The following SKIC3 variants were observed in gnomAD, a reference collection of about 807,000 sequenced individuals.
SKIC3 encodes SKI3 subunit of superkiller complex, also known as superkiller complex protein 3.
At chr5:95,543,354 G>T in the SKIC3 span, 1 of 1,612,002 alleles carries the variant, frequency 6.2e-7, no homozygotes, top group South Asian at 1.1e-5. Flanking sequence ...TAAAAGAGTA[G>T]GTTAGTAAAT....
chr5:95,506,820 T>C, the SKIC3 span: 3 of 1,059,542 alleles, frequency 2.8e-6, no homozygotes, highest in Non-Finnish European at 4.3e-6. Flanking sequence ...ATGGAAATTA[T>C]GTATCCTACA....
At chr5:95,464,723 T>A in the SKIC3 span, 1 of 1,500,316 alleles carries the variant, frequency 6.7e-7, no homozygotes, top group Non-Finnish European at 9.2e-7. Context: ...TTTTGTTTAT[T>A]AACAATATCT....
chr5:95,539,843 C>CAAAAAAAAAA, the SKIC3 span, among the ~76,000 whole-genome samples: 5 of 107,626 alleles, frequency 4.6e-5, no homozygotes, highest in Admixed American at 2.0e-4. Context: ...CACTCTGCCT[C>CAAAAAAAAAA]AAAAAAAAAA....
At chr5:95,504,068 G>T in the SKIC3 span, 1 of 383,956 alleles carries the variant, frequency 2.6e-6, no homozygotes, top group Non-Finnish European at 4.7e-6. Flanking sequence ...CAGCACTTTG[G>T]GAGGCCCAGG....
chr5:95,538,357 C>G, the SKIC3 span, among the ~76,000 whole-genome samples: 1 of 152,078 alleles, frequency 6.6e-6, no homozygotes, highest in East Asian at 1.9e-4. Flanking sequence ...ATCATGTTAT[C>G]ACACACAAAA....
the SKIC3 span, among the ~76,000 whole-genome samples, chr5:95,515,690 TC>T: frequency 2.6e-5 from 4 of 152,138 alleles, no homozygotes; most frequent in Admixed American, 2.6e-4. Flanking sequence ...ATTTTCTAAA[TC>T]CAGTCTTTTT....
chr5:95,482,428 G>A, the SKIC3 span: 1 of 1,583,210 alleles, frequency 6.3e-7, no homozygotes, highest in Non-Finnish European at 8.7e-7. Context: ...CTAATATTAT[G>A]AAGTGTTTTA....
the SKIC3 span, among the ~76,000 whole-genome samples, chr5:95,541,036 G>A: frequency 3.1e-4 from 47 of 151,920 alleles, no homozygotes; most frequent in African/African-American, 1.1e-3. Context: ...GCACAATCTC[G>A]GCTTACCACA....
the SKIC3 span, among the ~76,000 whole-genome samples, chr5:95,507,995 T>C: frequency 7.2e-5 from 11 of 152,238 alleles, no homozygotes; most frequent in African/African-American, 2.6e-4. Context: ...TCTTGCTCAC[T>C]ATTGCAGTCT....
the SKIC3 span, among the ~76,000 whole-genome samples, chr5:95,499,747 C>A: frequency 1.3e-5 from 2 of 152,130 alleles, no homozygotes; most frequent in African/African-American, 2.4e-5. Flanking sequence ...CAGCACTTTA[C>A]ATAATAAGTA....
the SKIC3 span, chr5:95,498,581 T>G: frequency 2.5e-6 from 4 of 1,614,024 alleles, no homozygotes; most frequent in Non-Finnish European, 3.4e-6. Flanking sequence ...GTTGGTTCCT[T>G]TAAGATAGAG....
At chr5:95,540,098 T>G in the SKIC3 span, among the ~76,000 whole-genome samples, 1 of 152,154 alleles carries the variant, frequency 6.6e-6, no homozygotes, top group Non-Finnish European at 1.5e-5. Context: ...AATGGAATAC[T>G]ACTCAGCTAT....
the SKIC3 span, among the ~76,000 whole-genome samples, chr5:95,499,091 C>G: frequency 6.6e-6 from 1 of 152,182 alleles, no homozygotes; most frequent in Non-Finnish European, 1.5e-5. Context: ...TTAAAAGCAT[C>G]AATGACTTTT....
chr5:95,517,751 T>C, the SKIC3 span, among the ~76,000 whole-genome samples: 1 of 152,118 alleles, frequency 6.6e-6, no homozygotes, highest in African/African-American at 2.4e-5. Context: ...TCTTCTCTCA[T>C]GCTGTGTAGT....
the SKIC3 span, among the ~76,000 whole-genome samples, chr5:95,487,268 T>C: frequency 1.3e-5 from 2 of 152,214 alleles, no homozygotes; most frequent in Non-Finnish European, 2.9e-5. Context: ...TGGGACCTTG[T>C]GATCCTGTAA....
chr5:95,509,537 C>T, the SKIC3 span: 12 of 1,323,094 alleles, frequency 9.1e-6, no homozygotes, highest in Non-Finnish European at 1.3e-5. Flanking sequence ...CAGAGATTCT[C>T]CAGGAACCCT....
chr5:95,523,551 G>A, the SKIC3 span: 1 of 1,379,646 alleles, frequency 7.2e-7, no homozygotes, highest in South Asian at 1.4e-5. Flanking sequence ...TGCACCTATA[G>A]AAAAAAAACT....
chr5:95,515,065 G>A, the SKIC3 span: 3 of 784,950 alleles, frequency 3.8e-6, no homozygotes, highest in Non-Finnish European at 6.3e-6. Context: ...AGCATAATTA[G>A]CAATGCTTAA....
the SKIC3 span, chr5:95,502,879 C>A: frequency 6.2e-7 from 1 of 1,613,348 alleles, no homozygotes; most frequent in Non-Finnish European, 8.5e-7. Flanking sequence ...ACTATACATA[C>A]CATTTAAATA....
Sources: gnomAD v4.1 joint callset for allele counts (sites outside exome capture counted in the v4.1 genomes callset) on GRCh38, gnomAD v4.1.1 for gene constraint, MANE v1.5 for transcripts, NCBI Gene and HGNC (gene_info 2026-07-23, HGNC 2026-07-21) for gene names.